GPHN: variants seen among roughly 807,000 people sequenced by gnomAD.
GPHN encodes gephyrin.
A neutral mutation model predicts 95.5 loss-of-function variants in GPHN; 17 were observed. That is an observed-to-expected ratio of 0.18 (90% CI 0.12 to 0.27). The LOEUF is 0.27. Among genes scored for constraint, GPHN ranks in the 10% least tolerant of loss-of-function variants. GPHN has a pLI of 1.00. For synonymous variants in GPHN, 320 were observed against 322.5 expected (o/e 0.99, Z 0.08); for missense variants, 660 against 978.1 (o/e 0.67, Z 4.34).
At chr14:66,848,139 A>G (rs552142943) in intron 4 of GPHN, among the ~76,000 whole-genome samples, 1 of 152,248 alleles carries the variant, frequency 6.6e-6, no homozygotes, top group Non-Finnish European at 1.5e-5. Context: ...TAGATTTCTT[A>G]TAATATTTAG....
chr14:67,208,529 T>C, the GPHN span: 1 of 1,412,470 alleles, frequency 7.1e-7, no homozygotes. Context: ...GTCTCTTAAC[T>C]CAGGCATCTG....
At chr14:67,149,994 C>A (rs1014844159) in intron 18 of GPHN, among the ~76,000 whole-genome samples, 1 of 151,970 alleles carries the variant, frequency 6.6e-6, no homozygotes, top group African/African-American at 2.4e-5. Flanking sequence ...TAAAATGATG[C>A]TTAATAATAA....
intron 2 of GPHN, among the ~76,000 whole-genome samples, chr14:66,751,292 C>T (rs1454236220): frequency 6.6e-6 from 1 of 152,028 alleles, no homozygotes; most frequent in Non-Finnish European, 1.5e-5. Flanking sequence ...AATGGTTGAA[C>T]CAATTATATT....
intron 17 of GPHN, among the ~76,000 whole-genome samples, chr14:67,125,409 C>T (rs72715385): frequency 0.051 from 7,823 of 152,230 alleles, 220 homozygotes; most frequent in Middle Eastern, 0.068. Flanking sequence ...CTGGGTAAAG[C>T]TCTCCAGGGA....
At chr14:66,743,767 A>C (rs1339311631) in intron 2 of GPHN, among the ~76,000 whole-genome samples, 1 of 151,682 alleles carries the variant, frequency 6.6e-6, no homozygotes, top group African/African-American at 2.4e-5. Flanking sequence ...CAACAAAAAA[A>C]CTCTTTAATT....
chr14:67,276,151 A>T, the GPHN span, among the ~76,000 whole-genome samples: 3 of 152,034 alleles, frequency 2.0e-5, no homozygotes, highest in African/African-American at 7.2e-5. Flanking sequence ...GAATGTGATC[A>T]TGTCATCCTC....
the GPHN span, among the ~76,000 whole-genome samples, chr14:67,232,052 T>C: frequency 1.1e-3 from 162 of 152,286 alleles, no homozygotes; most frequent in Non-Finnish European, 2.0e-3. Flanking sequence ...TTTAAAAATA[T>C]GTCTACAAAT....
At chr14:67,619,864 C>G in the GPHN span, 1 of 708,928 alleles carries the variant, frequency 1.4e-6, no homozygotes, top group Non-Finnish European at 2.2e-6. Flanking sequence ...GGTGACGTCA[C>G]GGGGCGGGCG....
At chr14:67,295,586 A>G in the GPHN span, among the ~76,000 whole-genome samples, 1 of 152,148 alleles carries the variant, frequency 6.6e-6, no homozygotes, top group South Asian at 2.1e-4. Flanking sequence ...GGAAATCCAA[A>G]TGGCCAATAG....
At chr14:67,039,782 G>C (rs1183968455) in intron 10 of GPHN, among the ~76,000 whole-genome samples, 1 of 152,188 alleles carries the variant, frequency 6.6e-6, no homozygotes, top group Non-Finnish European at 1.5e-5. Context: ...AACAGAGCAA[G>C]ACCCTGTCTC....
intron 4 of GPHN, among the ~76,000 whole-genome samples, chr14:66,861,735 C>G (rs1323415646): frequency 6.6e-6 from 1 of 151,950 alleles, no homozygotes; most frequent in Non-Finnish European, 1.5e-5. Flanking sequence ...ACAAGATGCT[C>G]CTGAATGATC....
At chr14:67,576,104 T>C in the GPHN span, 2 of 978,024 alleles carry the variant, frequency 2.0e-6, no homozygotes, top group Non-Finnish European at 3.1e-6. This position sits in a 1 kb window ranked among gnomAD's most constrained non-coding sequence, Gnocchi z 4.0. Context: ...CAAATTTATT[T>C]CCTTTTGGAC....
the GPHN span, among the ~76,000 whole-genome samples, chr14:67,512,589 G>C: frequency 6.6e-6 from 1 of 152,308 alleles, no homozygotes; most frequent in East Asian, 1.9e-4. Context: ...GGCTCTGGGA[G>C]GGTTAGCTAT....
chr14:66,708,465 T>C (rs2069304276), intron 2 of GPHN, among the ~76,000 whole-genome samples: 1 of 152,174 alleles, frequency 6.6e-6, no homozygotes, highest in Non-Finnish European at 1.5e-5. Flanking sequence ...AAAACTTTCT[T>C]CCTGTATTTC....
chr14:67,188,829 CTTTCTTTCT>C, the GPHN span, among the ~76,000 whole-genome samples: 3 of 149,758 alleles, frequency 2.0e-5, no homozygotes, highest in Admixed American at 6.7e-5. Flanking sequence ...CTTTTTCTTT[CTTTCTTTCT>C]TTTCTTTCTT....
chr14:67,700,959 G>A, the GPHN span, among the ~76,000 whole-genome samples: 1 of 147,204 alleles, frequency 6.8e-6, no homozygotes, highest in Non-Finnish European at 1.5e-5. Context: ...GGGAGGCGGA[G>A]GTTGCAGTAA....
chr14:66,807,835 T>C (rs2060608565), intron 3 of GPHN, among the ~76,000 whole-genome samples: 1 of 152,220 alleles, frequency 6.6e-6, no homozygotes, highest in Non-Finnish European at 1.5e-5. Flanking sequence ...GTGCAATGAG[T>C]AGTCTTGTAC....
the GPHN span, among the ~76,000 whole-genome samples, chr14:67,331,863 G>C: frequency 6.6e-6 from 1 of 152,118 alleles, no homozygotes; most frequent in African/African-American, 2.4e-5. Context: ...TTCAGTTACA[G>C]TGGTGAAGTA....
At chr14:67,671,112 G>A in the GPHN span, among the ~76,000 whole-genome samples, 2 of 152,202 alleles carry the variant, frequency 1.3e-5, no homozygotes, top group Admixed American at 6.5e-5. Context: ...AACATTTATT[G>A]AGCAGTGTGA....
Sources: gnomAD v4.1 joint callset for allele counts (sites outside exome capture counted in the v4.1 genomes callset) on GRCh38, gnomAD v4.1.1 for gene constraint, Gnocchi (gnomAD v3.1) non-coding constraint, MANE v1.5 for transcripts, NCBI Gene and HGNC (gene_info 2026-07-23, HGNC 2026-07-21) for gene names.